Variants in SLC20A2 observed in about 807,000 individuals in gnomAD.
SLC20A2 encodes sodium-dependent phosphate transporter 2.
A neutral mutation model predicts 61.0 loss-of-function variants in SLC20A2; 30 were observed. The observed-to-expected ratio is 0.49, with a 90% CI of 0.37 to 0.67. The LOEUF is 0.67. Ranked by LOEUF, SLC20A2 falls within the 30% of genes least tolerant of loss-of-function variation. The probability of loss-of-function intolerance (pLI) is 0.00; values close to 1 mark genes in which losing one functional copy is unlikely to be tolerated. For synonymous variants in SLC20A2, 351 were observed against 353.3 expected (o/e 0.99, Z 0.07); for missense variants, 626 against 866.4 (o/e 0.72, Z 3.48).
In SLC20A2 at chr8:42,430,079, G is replaced by A; in HGVS notation, c.1694C>T (p.Pro565Leu). The A allele has an allele frequency of 6.2e-7, 1 of 1,610,888 alleles. No homozygotes were observed. Among genetic ancestry groups the A allele is most frequent in the Non-Finnish European group, 8.5e-7 (1 of 1,178,934 alleles). Residue 565 changes from proline to leucine, a missense_variant, in exon 9 of 11, where the codon CCC (proline) becomes CTC (leucine). Pro to Leu is a moderately conservative substitution (Grantham distance 98). Coordinates refer to ENST00000520262, the MANE Select transcript of SLC20A2 (RefSeq NM_001257180.2). ...CCAGGCTTACCTGGACGGCGTGATG[G>A]GAGTGAGGTCCTTCCCCATGGTCTG... ...VIQTMGKDLT[P>L]ITPSSGFTIE...
At chr8:42,501,795 T>C (rs1327879023), upstream of SLC20A2, among the ~76,000 whole-genome samples, 1 of 152,214 alleles carries the variant, frequency 6.6e-6, no homozygotes, top group East Asian at 1.9e-4. Context: ...GCAAAGGCAT[T>C]GTCCTTGGCA....
Position 42,484,842 on chromosome 8 carries a change from C to T in SLC20A2, c.-264-12188G>A, listed in dbSNP as rs1190683372. On this transcript the variant is annotated intron_variant, in intron 1 of 10. Transcript: ENST00000520262. ...CCAGACCCCGAGGGCATCCAGCCAG[C>T]TGGGTGTTCTGCTTGCTGGTCTACA... is the stretch of plus-strand genomic sequence containing the variant. The T allele has an allele frequency of 3.0e-5, 10 of 335,480 alleles. No individual in the cohort carries two copies. In the East Asian group the frequency reaches 6.2e-4, roughly 21 times the overall value. The allele number at this position is 335,480 out of a possible 1,614,324, so 20.8% of individuals were successfully genotyped here.
intron 1 of SLC20A2, among the ~76,000 whole-genome samples, chr8:42,528,791 C>T (rs1389919194): frequency 1.3e-5 from 2 of 151,878 alleles, no homozygotes; most frequent in African/African-American, 2.4e-5. Context: ...CTCAGCCTCC[C>T]GAGTAGCCAG....
chr8:42,500,364 A>C (rs1365567407), intron 1 of SLC20A2, among the ~76,000 whole-genome samples: 2 of 152,240 alleles, frequency 1.3e-5, no homozygotes, highest in African/African-American at 4.8e-5. Flanking sequence ...TAAGTTGGTA[A>C]TAATGTGTTA....
At chr8:42,505,480 T>C (rs1359271013), upstream of SLC20A2, among the ~76,000 whole-genome samples, 1 of 152,174 alleles carries the variant, frequency 6.6e-6, no homozygotes, top group African/African-American at 2.4e-5. Context: ...TTTAAATCTA[T>C]GTTCTGGAAT....
chr8:42,450,142 T>C (rs929727262), intron 5 of SLC20A2, among the ~76,000 whole-genome samples: 1 of 151,760 alleles, frequency 6.6e-6, no homozygotes, highest in Non-Finnish European at 1.5e-5. Flanking sequence ...GAAAATAAAA[T>C]AAAAAATGTG....
rs138104914 is a variant in SLC20A2, at chr8:42,444,411, G to A, written c.730+235C>T. 1.1e-4 allele frequency among the ~76,000 whole-genome samples: 17 copies of A among 152,254 alleles called. 1 individual carries two copies. The highest frequency in any genetic ancestry group is 2.6e-4 in the African/African-American group (11 of 41,540). On this transcript the variant is annotated intron_variant, in intron 6 of 10. Transcript: ENST00000520262. ...ACAGGCTGGCAGAACTGCACTGCAC[G>A]GTTAACTTCCAGTTACTCATGGCAA... is the stretch of plus-strand genomic sequence containing the variant.
chr8:42,517,454 T>A (rs1276266469), intron 1 of SLC20A2, among the ~76,000 whole-genome samples: 1 of 152,136 alleles, frequency 6.6e-6, no homozygotes, highest in Non-Finnish European at 1.5e-5. Flanking sequence ...CCTTACAGGT[T>A]TTTTAGGCTT....
chr8:42,466,694 A>G (rs1807200299), intron 2 of SLC20A2, among the ~76,000 whole-genome samples: 1 of 152,020 alleles, frequency 6.6e-6, no homozygotes, highest in Non-Finnish European at 1.5e-5. Context: ...TTGTAGAGAC[A>G]GCGTCTCACT....
chr8:42,437,462 G>A lies in SLC20A2; in HGVS notation c.1050C>T (p.Asp350=). 1 of 1,614,178 alleles carries A rather than the reference G, an allele frequency of 6.2e-7. No individual in the cohort carries two copies. Among genetic ancestry groups the A allele is most frequent in the Non-Finnish European group, 8.5e-7 (1 of 1,180,036 alleles). ...GCAGCAGATCTTTGTAGAGCCCCGA[G>A]TCTTTGTGCACGGTGTGGTACACAT... The part of the protein sequence containing the change: ...DGHVYHTVHK[D]SGLYKDLLHK... The change falls in exon 8 of 11, where the codon GAC becomes GAT. Residue 350 remains aspartate (D), a synonymous_variant. Transcript: ENST00000520262. This position sits in a 1 kb window ranked among gnomAD's most constrained non-coding sequence, Gnocchi z 6.4.
chr8:42,530,605 A>C (rs2923427), intron 1 of SLC20A2, among the ~76,000 whole-genome samples: 83,562 of 151,982 alleles, frequency 0.55, 23,265 homozygotes, highest in Middle Eastern at 0.64. Context: ...TTGAGAATGG[A>C]TTTATGGAAG....
At chr8:42,483,241 G>A (rs1477610595) in intron 1 of SLC20A2, among the ~76,000 whole-genome samples, 1 of 151,772 alleles carries the variant, frequency 6.6e-6, no homozygotes, top group African/African-American at 2.4e-5. Flanking sequence ...CATGGTGGCA[G>A]GTGCCTATAA....
chr8:42,447,717 T>C (rs553480111), intron 5 of SLC20A2, among the ~76,000 whole-genome samples: 2 of 152,278 alleles, frequency 1.3e-5, no homozygotes, highest in African/African-American at 4.8e-5. Context: ...TAAGAGATAG[T>C]ATGAATAGAA....
intron 1 of SLC20A2, among the ~76,000 whole-genome samples, chr8:42,495,899 G>A (rs796625272): frequency 7.2e-5 from 11 of 152,182 alleles, no homozygotes; most frequent in African/African-American, 2.4e-4. Flanking sequence ...ACAGGCGTGC[G>A]CCACCACGCC....
At chr8:42,530,869 C>T (rs1186007905) in intron 1 of SLC20A2, among the ~76,000 whole-genome samples, 1 of 152,138 alleles carries the variant, frequency 6.6e-6, no homozygotes, top group Non-Finnish European at 1.5e-5. Flanking sequence ...ATGCCCGCCA[C>T]CACGCCTTGC....
At chr8:42,504,987 C>G (rs888776479), upstream of SLC20A2, among the ~76,000 whole-genome samples, 1 of 149,296 alleles carries the variant, frequency 6.7e-6, no homozygotes, top group African/African-American at 2.5e-5. Context: ...CAGGAACAGA[C>G]TCACCCAGGC....
chr8:42,455,292 AGC>A (rs1377407686), intron 5 of SLC20A2, among the ~76,000 whole-genome samples: 3 of 138,394 alleles, frequency 2.2e-5, no homozygotes, highest in African/African-American at 5.3e-5. Flanking sequence ...AGAGAGAGAG[AGC>A]GTGCGCATGC....
chr8:42,524,224 G>T (rs1377018325), intron 1 of SLC20A2, among the ~76,000 whole-genome samples: 1 of 152,042 alleles, frequency 6.6e-6, no homozygotes, highest in African/African-American at 2.4e-5. Flanking sequence ...AAATAGAAAG[G>T]CTTTTAAGAT....
intron 1 of SLC20A2, among the ~76,000 whole-genome samples, chr8:42,532,216 G>A (rs528113567): frequency 7.9e-5 from 12 of 152,238 alleles, no homozygotes; most frequent in East Asian, 5.8e-4. Context: ...GCTAGTTAAC[G>A]GAAGTACTGA....
Sources: allele counts gnomAD v4.1 joint callset (sites outside exome capture counted in the v4.1 genomes callset), GRCh38; gene constraint gnomAD v4.1.1; non-coding constraint Gnocchi (gnomAD v3.1); transcripts MANE v1.5; gene names NCBI Gene and HGNC (gene_info 2026-07-23, HGNC 2026-07-21).